Variants in SNTB1 observed in about 807,000 individuals in gnomAD.
The protein encoded by SNTB1 is beta-1-syntrophin.
SNTB1 carries 36 observed loss-of-function variants against 48.9 expected under a neutral mutation model. The observed-to-expected ratio is 0.74, with a 90% CI of 0.56 to 0.97. The LOEUF is 0.97. SNTB1 is among the 50% of genes least tolerant of loss of function. SNTB1 has a pLI of 0.00. For synonymous variants in SNTB1, 299 were observed against 294.6 expected, an observed-to-expected ratio of 1.01 and a Z score of -0.15; for missense variants, 786 against 703.4, an observed-to-expected ratio of 1.12 and a Z score of -1.33.
rs187485725 is a variant in SNTB1, at chr8:120,567,245, C to A, written c.1136+7841G>T. On this transcript the variant is annotated intron_variant, in intron 4 of 6. Coordinates refer to ENST00000517992, the MANE Select transcript of SNTB1 (RefSeq NM_021021.4). ...ACATTCTCCTGATCCCCAACCCCAG[C>A]CTAAGCCAGAATATCTAAGGCAGGG... 4.8e-3 allele frequency among the ~76,000 whole-genome samples: 727 copies of A among 152,258 alleles called. 12 individuals are homozygous for A. The highest frequency in any genetic ancestry group is 3.1e-3 in the Non-Finnish European group (213 of 68,026).
intron 3 of SNTB1, among the ~76,000 whole-genome samples, chr8:120,576,940 G>T (rs935216806): frequency 4.6e-5 from 7 of 152,138 alleles, no homozygotes; most frequent in African/African-American, 7.2e-5. Flanking sequence ...AATGTGTTTG[G>T]CATGGTAGCT....
intron 1 of SNTB1, among the ~76,000 whole-genome samples, chr8:120,735,674 C>A (rs2129989330): frequency 6.6e-6 from 1 of 152,316 alleles, no homozygotes; most frequent in African/African-American, 2.4e-5. Flanking sequence ...GAAACCAAAT[C>A]TTGACCTTGG....
intron 2 of SNTB1, chr8:120,636,936 CA>C (rs1479447702): frequency 3.7e-6 from 1 of 266,946 alleles, no homozygotes; most frequent in African/African-American, 2.3e-5. Flanking sequence ...GATCTCATTG[CA>C]AATTTTCATA....
chr8:120,561,917 C>A (rs1475765912), intron 4 of SNTB1, among the ~76,000 whole-genome samples: 2 of 152,144 alleles, frequency 1.3e-5, no homozygotes, highest in Non-Finnish European at 2.9e-5. Flanking sequence ...ATCTGCAGGC[C>A]TCCTGTCTGT....
rs1440165170 is a variant in SNTB1, at chr8:120,811,667, G to A, written c.177C>T (p.Gly59=). The A allele has an allele frequency of 6.3e-7, 1 of 1,592,732 alleles. No homozygotes were observed. Among genetic ancestry groups the A allele is most frequent in the Non-Finnish European group, 8.5e-7 (1 of 1,173,238 alleles). The stretch of plus-strand genomic sequence containing the variant: ...ACGAGCCATTGGTGGCGGTCCCGAT[G>A]CCGTTGTACGCCGCAGCGCCCTCCT... ...SSEEGAAAYN[G]IGTATNGSFC... The change falls in exon 1 of 7, where the codon GGC becomes GGT. Residue 59 remains glycine, a synonymous_variant. Transcript: ENST00000517992.
intron 3 of SNTB1, among the ~76,000 whole-genome samples, chr8:120,579,561 CCCCAGCT>C (rs1484863948): frequency 6.6e-6 from 1 of 152,060 alleles, no homozygotes; most frequent in Non-Finnish European, 1.5e-5. Context: ...GCCCTGTAGC[CCCCAGCT>C]ACTCGGAAGG....
chr8:120,710,996 C>T (rs777147077), intron 1 of SNTB1, among the ~76,000 whole-genome samples: 5 of 152,066 alleles, frequency 3.3e-5, no homozygotes, highest in Non-Finnish European at 5.9e-5. Flanking sequence ...GCATATTGAC[C>T]TGCACTTGGA....
chr8:120,679,270 A>G (rs937566647), intron 2 of SNTB1, among the ~76,000 whole-genome samples: 1 of 152,230 alleles, frequency 6.6e-6, no homozygotes, highest in Non-Finnish European at 1.5e-5. Flanking sequence ...ATTGGCAAAT[A>G]CAAAAGAAAA....
intron 1 of SNTB1, among the ~76,000 whole-genome samples, chr8:120,798,751 G>A (rs1168002882): frequency 6.6e-6 from 1 of 152,032 alleles, no homozygotes; most frequent in Non-Finnish European, 1.5e-5. Flanking sequence ...ATTCAATCTT[G>A]ATTGTGTCTG....
At chr8:120,754,512 A>T (rs546512557) in intron 1 of SNTB1, among the ~76,000 whole-genome samples, 37 of 152,060 alleles carry the variant, frequency 2.4e-4, no homozygotes, top group Middle Eastern at 3.4e-3. Flanking sequence ...AGAAAAAGAA[A>T]TCTAGTTCTG....
chr8:120,798,620 T>C (rs1820162469), intron 1 of SNTB1, among the ~76,000 whole-genome samples: 1 of 152,048 alleles, frequency 6.6e-6, no homozygotes, highest in Non-Finnish European at 1.5e-5. Context: ...ACAGGAACTG[T>C]GCAATCAGCA....
intron 2 of SNTB1, among the ~76,000 whole-genome samples, chr8:120,673,983 C>T (rs904604541): frequency 5.9e-5 from 9 of 152,150 alleles, no homozygotes; most frequent in African/African-American, 2.2e-4. Context: ...ATATGCTGTA[C>T]AGTGGCCATA....
In SNTB1 at chr8:120,693,760, G is replaced by A; in HGVS notation, c.720C>T (p.Asp240=). 1 of 1,613,838 alleles carries A rather than the reference G, an allele frequency of 6.2e-7. No homozygotes were observed. The highest frequency in any genetic ancestry group is 1.3e-5 in the African/African-American group (1 of 75,020). The part of the protein sequence containing the change: ...PSSQSFSFHR[D]RKSIPLKMCY... ...ACATTTTGAGGGGGATGCTTTTCCGGTCTCTGTGGAAGGAGAAGGACTGCG... is the reference window on the plus strand; with the variant it reads ...ACATTTTGAGGGGGATGCTTTTCCGATCTCTGTGGAAGGAGAAGGACTGCG... Residue 240 remains aspartate (D), a synonymous_variant, in exon 2 of 7, where the codon GAC becomes GAT. Transcript: ENST00000517992.
intron 1 of SNTB1, among the ~76,000 whole-genome samples, chr8:120,754,641 T>C (rs1819284274): frequency 6.6e-6 from 1 of 152,100 alleles, no homozygotes; most frequent in Non-Finnish European, 1.5e-5. Context: ...GAAGTGTAGA[T>C]GTAGAGAGTA....
intron 2 of SNTB1, among the ~76,000 whole-genome samples, chr8:120,672,554 G>A (rs1446185294): frequency 4.6e-5 from 7 of 152,160 alleles, no homozygotes; most frequent in African/African-American, 1.7e-4. Flanking sequence ...CAGAGCTCCT[G>A]AAAGACACCA....
chr8:120,735,694 C>G (rs959791114), intron 1 of SNTB1, among the ~76,000 whole-genome samples: 1 of 152,180 alleles, frequency 6.6e-6, no homozygotes, highest in African/African-American at 2.4e-5. Flanking sequence ...GACTTCTAGC[C>G]TCCAGAACCA....
chr8:120,730,083 C>T (rs1330876797), intron 1 of SNTB1, among the ~76,000 whole-genome samples: 16 of 152,218 alleles, frequency 1.1e-4, no homozygotes, highest in Non-Finnish European at 5.9e-5. Flanking sequence ...ATCCAAGTAT[C>T]TGTTCAACCA....
At chr8:120,558,773 T>C (rs975147611) in intron 4 of SNTB1, among the ~76,000 whole-genome samples, 5 of 152,216 alleles carry the variant, frequency 3.3e-5, no homozygotes, top group Non-Finnish European at 7.3e-5. Flanking sequence ...ATGGTGGTGT[T>C]GTGAAAATTA....
chr8:120,734,607 C>T lies in SNTB1; in HGVS notation c.572-40699G>A, dbSNP rs116509388. On this transcript the variant is annotated intron_variant, in intron 1 of 6. Coordinates refer to ENST00000517992, the MANE Select transcript of SNTB1 (RefSeq NM_021021.4). ...ATTTTATAGATGAAGAGGATAAGAC[C>T]GATGGAAATAATGCTCCTGGGTTAT... Among the ~76,000 whole-genome samples, 1,375 of 152,148 alleles carry T rather than the reference C, an allele frequency of 9.0e-3. 16 individuals are homozygous for T. The highest frequency in any genetic ancestry group is 0.032 in the African/African-American group (1,333 of 41,498).
Sources: allele counts gnomAD v4.1 joint callset (sites outside exome capture counted in the v4.1 genomes callset), GRCh38; gene constraint gnomAD v4.1.1; transcripts MANE v1.5; gene names NCBI Gene and HGNC (gene_info 2026-07-23, HGNC 2026-07-21).